TAOK3: variants seen among roughly 807,000 people sequenced by gnomAD.
TAOK3 encodes serine/threonine-protein kinase TAO3.
Under a neutral mutation model 120.4 loss-of-function variants are expected in TAOK3, and 40 were observed. That is an observed-to-expected ratio of 0.33 (90% CI 0.26 to 0.43). The LOEUF is 0.43. Among genes scored for constraint, TAOK3 ranks in the 20% least tolerant of loss-of-function variants. The pLI, the probability that TAOK3 is intolerant of heterozygous loss-of-function variation, is 1.00. For missense variants in TAOK3, 821 were observed against 1,112.1 expected (o/e 0.74, Z 3.72); for synonymous variants, 355 against 387.5 (o/e 0.92, Z 0.99).
chr12:118,296,179 C>G (rs1274219866), intron 1 of TAOK3, among the ~76,000 whole-genome samples: 1 of 151,954 alleles, frequency 6.6e-6, no homozygotes, highest in Non-Finnish European at 1.5e-5. Context: ...TTTTTCTTTT[C>G]TTTGTGCAAT....
intron 9 of TAOK3, among the ~76,000 whole-genome samples, chr12:118,217,823 A>G (rs1273589265): frequency 0.088 from 5,512 of 62,404 alleles, 591 homozygotes; most frequent in African/African-American, 0.18. Context: ...ATACATATAT[A>G]TATATATATA....
chr12:118,340,449 A>G (rs2044566609), intron 1 of TAOK3, among the ~76,000 whole-genome samples: 1 of 152,244 alleles, frequency 6.6e-6, no homozygotes, highest in Non-Finnish European at 1.5e-5. Flanking sequence ...GGATTATGAG[A>G]AGAAAAATTT....
chr12:118,190,572 T>A (rs2037381528), intron 13 of TAOK3: 1 of 152,312 alleles, frequency 6.6e-6, no homozygotes, highest in East Asian at 1.9e-4. Flanking sequence ...AGGATTTTTT[T>A]TTAGATTTAA....
intron 14 of TAOK3, among the ~76,000 whole-genome samples, chr12:118,187,030 G>A (rs954272633): frequency 1.1e-4 from 17 of 152,178 alleles, no homozygotes; most frequent in Admixed American, 1.1e-3. Context: ...TGTTGAAGAA[G>A]TAGGCTCATA....
chr12:118,256,853 A>G (rs1415504753), intron 2 of TAOK3, among the ~76,000 whole-genome samples: 1 of 152,188 alleles, frequency 6.6e-6, no homozygotes, highest in Non-Finnish European at 1.5e-5. Context: ...CATAACTGTG[A>G]CTATACCAAA....
chr12:118,331,812 A>G (rs1473551788), intron 1 of TAOK3, among the ~76,000 whole-genome samples: 1 of 151,724 alleles, frequency 6.6e-6, no homozygotes, highest in East Asian at 1.9e-4. Context: ...TGATTATCAC[A>G]TTACAAATAC....
At chr12:118,241,670 T>G (rs1318363605) in intron 5 of TAOK3, among the ~76,000 whole-genome samples, 2 of 152,180 alleles carry the variant, frequency 1.3e-5, no homozygotes, top group African/African-American at 4.8e-5. Flanking sequence ...TCCCCTGACT[T>G]TTTCCGTATG....
chr12:118,230,209 T>C (rs188843721), intron 9 of TAOK3, among the ~76,000 whole-genome samples: 67 of 152,228 alleles, frequency 4.4e-4, no homozygotes, highest in African/African-American at 1.5e-3. Context: ...TTTCTCAGTA[T>C]TATTTACCAA....
intron 15 of TAOK3, among the ~76,000 whole-genome samples, chr12:118,178,531 C>T (rs1412744414): frequency 6.6e-6 from 1 of 152,104 alleles, no homozygotes; most frequent in Non-Finnish European, 1.5e-5. Context: ...GATCTCGGCT[C>T]ACTGCAACCT....
At chr12:118,309,150 G>A (rs1224767756) in intron 1 of TAOK3, among the ~76,000 whole-genome samples, 2 of 150,940 alleles carry the variant, frequency 1.3e-5, no homozygotes, top group African/African-American at 2.4e-5. Context: ...CCAACGTGGC[G>A]AAACCCCATC....
In TAOK3 at chr12:118,372,488, C is replaced by T. The variant is rs1293388317; in HGVS notation, c.-194+160G>A. ...TCCACTCAGAGCCACTGCCTCGGTC[C>T]CTCTCGGAGTCCCCTCTCCTCACCC... On this transcript the variant is annotated intron_variant, in intron 1 of 20. Coordinates refer to ENST00000392533, the MANE Select transcript of TAOK3 (RefSeq NM_016281.4). The surrounding 1 kb of genome is among the most constrained non-coding windows in gnomAD (Gnocchi z 4.6). Among the ~76,000 whole-genome samples the T allele has an allele frequency of 6.6e-6, 1 of 151,816 alleles. No individual in the cohort carries two copies. Among genetic ancestry groups the T allele is most frequent in the Non-Finnish European group, 1.5e-5 (1 of 67,930 alleles).
At chr12:118,276,583 TCCCAG>T (rs1398182679) in intron 1 of TAOK3, among the ~76,000 whole-genome samples, 7 of 152,062 alleles carry the variant, frequency 4.6e-5, no homozygotes, top group African/African-American at 1.7e-4. Context: ...GCGCCTGTAG[TCCCAG>T]CTACTCTGGA....
intron 1 of TAOK3, among the ~76,000 whole-genome samples, chr12:118,319,905 T>C (rs552024280): frequency 5.3e-5 from 8 of 152,298 alleles, no homozygotes; most frequent in South Asian, 2.1e-4. Flanking sequence ...CCAATGTTCA[T>C]ACCAGCATTA....
chr12:118,244,535 T>C (rs1303238531), intron 4 of TAOK3, among the ~76,000 whole-genome samples: 2 of 145,400 alleles, frequency 1.4e-5, no homozygotes, highest in African/African-American at 2.5e-5. Context: ...TTCTTTTTCT[T>C]TTTTTTTTTT....
At chr12:118,288,829 C>T (rs1237164585) in intron 1 of TAOK3, among the ~76,000 whole-genome samples, 1 of 142,326 alleles carries the variant, frequency 7.0e-6, no homozygotes, top group Non-Finnish European at 1.5e-5. Context: ...TACAGGAGAA[C>T]AGGTTGAACC....
rs540908141 is a variant in TAOK3, at chr12:118,171,987, A to G, written c.1899+470T>C. ...TTTTTCTGCTCTTAGACTCATAGCC[A>G]TTTGAAGGCAGGGAGTACAGCTTCT... On this transcript the variant is annotated intron_variant, in intron 17 of 20. Transcript: ENST00000392533. 7.9e-5 allele frequency among the ~76,000 whole-genome samples: 12 copies of G among 152,278 alleles called. No homozygotes were observed. In the South Asian group the frequency reaches 2.5e-3, roughly 32 times the overall value.
chr12:118,314,269 T>G (rs1337815434), intron 1 of TAOK3, among the ~76,000 whole-genome samples: 1 of 152,222 alleles, frequency 6.6e-6, no homozygotes, highest in East Asian at 1.9e-4. Flanking sequence ...GAATTTAGGT[T>G]TTCAGGTTTG....
chr12:118,272,796 C>T (rs1028071502), intron 1 of TAOK3, among the ~76,000 whole-genome samples: 6 of 151,376 alleles, frequency 4.0e-5, no homozygotes, highest in African/African-American at 1.2e-4. Flanking sequence ...CACAGTGAGA[C>T]CCCCGTCTCT....
chr12:118,159,116 C>G (rs2035038337), intron 19 of TAOK3, among the ~76,000 whole-genome samples: 2 of 152,140 alleles, frequency 1.3e-5, no homozygotes, highest in African/African-American at 4.8e-5. Context: ...GGGCTCACAC[C>G]AAAGTTCTTT....
Sources: gnomAD v4.1 joint callset for allele counts (sites outside exome capture counted in the v4.1 genomes callset) on GRCh38, gnomAD v4.1.1 for gene constraint, Gnocchi (gnomAD v3.1) non-coding constraint, MANE v1.5 for transcripts, NCBI Gene and HGNC (gene_info 2026-07-23, HGNC 2026-07-21) for gene names.